PHLDB2: variants seen among roughly 807,000 people sequenced by gnomAD.
PHLDB2 encodes pleckstrin homology like domain family B member 2, also known as pleckstrin homology-like domain family B member 2.
Under a neutral mutation model 123.6 loss-of-function variants are expected in PHLDB2, and 71 were observed. The observed-to-expected ratio is 0.57, with a 90% confidence interval of 0.47 to 0.70. The LOEUF is 0.70. PHLDB2 is among the 30% of genes least tolerant of loss of function. PHLDB2 has a pLI of 0.00. For synonymous variants in PHLDB2, 547 were observed against 541.6 expected, an observed-to-expected ratio of 1.01 and a Z score of -0.14; for missense variants, 1,446 against 1,519.5, an observed-to-expected ratio of 0.95 and a Z score of 0.80.
At chr3:111,850,397 A>G (rs981017211) in intron 2 of PHLDB2, among the ~76,000 whole-genome samples, 10 of 152,200 alleles carry the variant, frequency 6.6e-5, no homozygotes, top group African/African-American at 2.4e-4. Flanking sequence ...ATTCATCACT[A>G]TATAATTCAT....
chr3:111,945,315 TG>T lies in PHLDB2; in HGVS notation c.2451del (p.Val822LeufsTer6), dbSNP rs1193567996. 2 of 1,611,280 alleles carry T rather than the reference TG, an allele frequency of 1.2e-6. No individual in the cohort carries two copies. The highest frequency in any genetic ancestry group is 1.7e-5 in the Admixed American group (1 of 59,858). On this transcript the variant is annotated frameshift_variant, in exon 9 of 18. Transcript: ENST00000431670. LOFTEE classifies it high-confidence loss of function. ...TGGAAAAGAAATACTCCAGCCTCTC[TG>T]GGGGGAAAGGGTTTCCCGTTAACCC... is the stretch of plus-strand genomic sequence containing the variant. Reference protein sequence around the residue: ...NLEKKYSSLSGGKGFPVNPNT... With the variant: ...NLEKKYSSLSXGKGFPVNPNT...
At chr3:111,866,014 A>ATCTT (rs745656795) in intron 1 of PHLDB2, among the ~76,000 whole-genome samples, 1 of 57,430 alleles carries the variant, frequency 1.7e-5, no homozygotes, top group East Asian at 8.5e-4. Flanking sequence ...CCACCCACTC[A>ATCTT]TTTTTTTTTT....
At chr3:111,873,369 T>C (rs1261127470) in intron 1 of PHLDB2, among the ~76,000 whole-genome samples, 2 of 152,226 alleles carry the variant, frequency 1.3e-5, no homozygotes, top group Non-Finnish European at 2.9e-5. Context: ...ATAGTTTCTT[T>C]AGCCCAAATA....
At chr3:111,927,657 C>T (rs983571458) in intron 5 of PHLDB2, among the ~76,000 whole-genome samples, 4 of 152,164 alleles carry the variant, frequency 2.6e-5, no homozygotes, top group African/African-American at 4.8e-5. Flanking sequence ...AATTATGTCC[C>T]GTGCAATAAT....
intron 8 of PHLDB2, among the ~76,000 whole-genome samples, chr3:111,940,918 T>C (rs2069833516): frequency 6.6e-6 from 1 of 152,234 alleles, no homozygotes; most frequent in Non-Finnish European, 1.5e-5. Flanking sequence ...AAATGATTGT[T>C]TTCCTCTTTT....
At chr3:111,897,243 C>T (rs35475895) in intron 2 of PHLDB2, among the ~76,000 whole-genome samples, 20,207 of 152,232 alleles carry the variant, frequency 0.13, 1,744 homozygotes, top group Non-Finnish European at 0.19. Context: ...CAGGTTGTTG[C>T]AGTCACTGGT....
intron 1 of PHLDB2, among the ~76,000 whole-genome samples, chr3:111,883,678 G>C (rs138926801): frequency 1.3e-5 from 2 of 152,176 alleles, no homozygotes; most frequent in Non-Finnish European, 2.9e-5. Context: ...ACAGCTATAG[G>C]AAAGTCCATT....
chr3:111,867,259 T>TATCACTG (rs2065133701), intron 1 of PHLDB2, among the ~76,000 whole-genome samples: 1 of 152,120 alleles, frequency 6.6e-6, no homozygotes, highest in Non-Finnish European at 1.5e-5. Context: ...TAGGAGCCAG[T>TATCACTG]GATATGACCC....
chr3:111,743,328 T>C (rs2059633878), intron 1 of PHLDB2, among the ~76,000 whole-genome samples: 1 of 152,182 alleles, frequency 6.6e-6, no homozygotes. Context: ...AATCACAGTC[T>C]CTGCCTAATT....
intron 10 of PHLDB2, 102 bp downstream of exon 10, chr3:111,949,177 T>G (rs979902292): frequency 7.4e-7 from 1 of 1,356,988 alleles, no homozygotes; most frequent in Non-Finnish European, 1.0e-6. Flanking sequence ...GCATGACAAA[T>G]GTATATCTGT....
intron 1 of PHLDB2, among the ~76,000 whole-genome samples, chr3:111,794,963 GT>G (rs533402807): frequency 2.0e-5 from 3 of 152,260 alleles, no homozygotes; most frequent in African/African-American, 7.2e-5. Flanking sequence ...CTCTCCAGCT[GT>G]TTTTATGTTC....
intron 2 of PHLDB2, 68 bp from the exon 3 acceptor site, chr3:111,913,251 G>C (rs994130097): frequency 1.3e-6 from 2 of 1,484,308 alleles, no homozygotes; most frequent in Non-Finnish European, 9.0e-7. Context: ...AGCCTCTTCA[G>C]TCTTTTTATT....
In PHLDB2 at chr3:111,756,765, A is replaced by T. The variant is rs548336927; in HGVS notation, c.-49+24062A>T. On this transcript the variant is annotated intron_variant, in intron 1 of 17. Transcript: ENST00000393923. The stretch of plus-strand genomic sequence containing the variant: ...GCCTCGATGGTCTTTACAATTTGGC[A>T]TGATTTTGCAGTGGCTGGTACCTGT... 2.6e-4 allele frequency among the ~76,000 whole-genome samples: 40 copies of T among 152,346 alleles called. 1 individual carries two copies. The East Asian group carries it at 6.0e-3, about 23-fold the overall frequency.
rs2107573033 is a variant in PHLDB2, at chr3:111,932,281, C to T, written c.2014C>T (p.Leu672Phe). The stretch of plus-strand genomic sequence containing the variant: ...TTCTGAACTTCAGGAGAAGGTAAAG[C>T]TTGATGCTGAAAGGGAAAAACTAGA... ...VGEKTKEKVKLDAEREKLERL... is the reference protein window; with the variant it reads ...VGEKTKEKVKFDAEREKLERL... The change falls in exon 6 of 18, where the codon CTT becomes TTT. Residue 672 changes from leucine to phenylalanine, a missense_variant. By Grantham distance (22) the Leu-to-Phe change is conservative (BLOSUM62 0). Coordinates refer to ENST00000431670, the MANE Select transcript of PHLDB2 (RefSeq NM_001134438.2). The T allele has an allele frequency of 6.4e-7, 1 of 1,551,170 alleles. No homozygotes were observed. The highest frequency in any genetic ancestry group is 8.7e-7 in the Non-Finnish European group (1 of 1,146,618).
intron 1 of PHLDB2, among the ~76,000 whole-genome samples, chr3:111,795,721 G>GT (rs954209643): frequency 2.6e-4 from 40 of 151,688 alleles, no homozygotes; most frequent in Non-Finnish European, 3.4e-4. Flanking sequence ...ACCTGGGTAG[G>GT]TTTTTTTTGG....
chr3:111,783,568 A>G (rs756333736), intron 1 of PHLDB2, among the ~76,000 whole-genome samples: 12 of 152,172 alleles, frequency 7.9e-5, no homozygotes, highest in Non-Finnish European at 1.8e-4. Flanking sequence ...CAGATTATTC[A>G]GAACAAACTT....
chr3:111,797,817 C>T (rs560862960), intron 1 of PHLDB2, among the ~76,000 whole-genome samples: 5 of 152,276 alleles, frequency 3.3e-5, no homozygotes, highest in East Asian at 1.9e-4. Flanking sequence ...CCGAAAGCTA[C>T]GCAATTGTGA....
chr3:111,846,327 T>A (rs990179882), intron 2 of PHLDB2: 1 of 176,006 alleles, frequency 5.7e-6, no homozygotes, highest in African/African-American at 2.3e-5. Context: ...TATTGACATA[T>A]CTGAGGAGGG....
rs1559855393 is a variant in PHLDB2 at position 111,831,034 on chromosome 3, G to GAAAAGAAAAGAAAGAAAGAAAGAAAGA, written c.-48-14785_-48-14784insAAGAAAAGAAAGAAAGAAAGAAAGAAA. The stretch of plus-strand genomic sequence containing the variant: ...GAAAGAAAGAAAGAAAGAAAGAAAG[G>GAAAAGAAAAGAAAGAAAGAAAGAAAGA]AAGGAAGGAAGAAAGAGAAAAGAGA... On this transcript the variant is annotated intron_variant, in intron 1 of 17. Transcript: ENST00000393923. Among the ~76,000 whole-genome samples the GAAAAGAAAAGAAAGAAAGAAAGAAAGA allele has an allele frequency of 8.0e-4, 37 of 46,172 alleles. 1 individual carries two copies. Among genetic ancestry groups the GAAAAGAAAAGAAAGAAAGAAAGAAAGA allele is most frequent in the Non-Finnish European group, 1.4e-3 (30 of 21,918 alleles). The allele number at this position is 46,172 out of a possible 152,430, so 30.3% of individuals were successfully genotyped here. A position where few individuals can be genotyped will look rare whatever the true frequency, so the allele number is the denominator to read the frequency against.
Sources: allele counts gnomAD v4.1 joint callset (sites outside exome capture counted in the v4.1 genomes callset), GRCh38; gene constraint gnomAD v4.1.1; transcripts MANE v1.5; gene names NCBI Gene and HGNC (gene_info 2026-07-23, HGNC 2026-07-21).